Variants in ANK3 observed in about 807,000 individuals in gnomAD.
The protein encoded by ANK3 is ankyrin-3.
ANK3 carries 57 observed loss-of-function variants against 370.9 expected under a neutral mutation model. The ratio of observed to expected loss-of-function variants is 0.15; its 90% CI spans 0.12 to 0.19. The LOEUF (loss-of-function observed/expected upper bound fraction) is 0.19. ANK3 is among the 10% of genes least tolerant of loss of function. The pLI is 1.00. For synonymous variants in ANK3, 1,929 were observed against 1,946.3 expected, an observed-to-expected ratio of 0.99 and a Z score of 0.23; for missense variants, 4,439 against 5,302.1, an observed-to-expected ratio of 0.84 and a Z score of 5.06.
At chr10:60,597,355 T>C (rs1011491380) in intron 2 of ANK3, among the ~76,000 whole-genome samples, 3 of 152,226 alleles carry the variant, frequency 2.0e-5, no homozygotes, top group Non-Finnish European at 4.4e-5. Flanking sequence ...ATGTAGCTTA[T>C]GGGATTCTGT....
Position 60,170,711 on chromosome 10 carries a change from T to A in ANK3, c.2478+1597A>T, listed in dbSNP as rs566629932. Among the ~76,000 whole-genome samples, 102 of 152,308 alleles carry A rather than the reference T, an allele frequency of 6.7e-4. 1 individual carries two copies. Among genetic ancestry groups the A allele is most frequent in the Non-Finnish European group, 8.4e-4 (57 of 68,028 alleles). On this transcript the variant is annotated intron_variant, in intron 21 of 43. Coordinates refer to ENST00000280772, the MANE Select transcript of ANK3 (RefSeq NM_020987.5). ...AGGCACTATTCCTGTACACATTCTG[T>A]CTTCTGATGGGAACCTGATGGAGCT...
intron 2 of ANK3, among the ~76,000 whole-genome samples, chr10:60,603,044 G>A (rs760480828): frequency 2.6e-5 from 4 of 152,036 alleles, no homozygotes; most frequent in Admixed American, 6.6e-5. Flanking sequence ...TGCTCCACTC[G>A]TCTTGAAACA....
intron 2 of ANK3, among the ~76,000 whole-genome samples, chr10:60,591,041 G>A (rs971824482): frequency 2.0e-5 from 3 of 152,154 alleles, no homozygotes; most frequent in Non-Finnish European, 4.4e-5. Flanking sequence ...GGACACAAGT[G>A]TGCCAGAGAG....
At chr10:60,446,548 G>A (rs753395536) in intron 2 of ANK3, among the ~76,000 whole-genome samples, 4 of 152,164 alleles carry the variant, frequency 2.6e-5, no homozygotes, top group Admixed American at 2.6e-4. Context: ...GACATTCAGT[G>A]ACAGAGCTTT....
chr10:60,536,532 C>T (rs527676948), intron 2 of ANK3, among the ~76,000 whole-genome samples: 116 of 152,136 alleles, frequency 7.6e-4, no homozygotes, highest in African/African-American at 2.7e-3. Context: ...CTAAAATAGT[C>T]TACATGATCA....
At chr10:60,230,892 T>TAA (rs34221364) in intron 8 of ANK3, among the ~76,000 whole-genome samples, 4 of 137,860 alleles carry the variant, frequency 2.9e-5, no homozygotes, top group African/African-American at 8.1e-5. Context: ...GACTCCATCT[T>TAA]AAAAAAAAAA....
intron 2 of ANK3, among the ~76,000 whole-genome samples, chr10:60,561,609 G>A (rs1264455904): frequency 6.6e-6 from 1 of 152,214 alleles, no homozygotes; most frequent in Non-Finnish European, 1.5e-5. Context: ...AACATTGGTT[G>A]GATTCTGGGA....
At chr10:60,479,156 CTGAA>C in intron 2 of ANK3, among the ~76,000 whole-genome samples, 1 of 152,158 alleles carries the variant, frequency 6.6e-6, no homozygotes, top group South Asian at 2.1e-4. Flanking sequence ...ATCATAGCAA[CTGAA>C]TGATTTTTTT....
At chr10:60,172,477 G>T in intron 20 of ANK3, 74 bp from the exon 21 acceptor site, 1 of 1,199,306 alleles carries the variant, frequency 8.3e-7, no homozygotes, top group Non-Finnish European at 1.2e-6. Flanking sequence ...CAAAATGTAA[G>T]GTGAGTGTCT....
intron 1 of ANK3, among the ~76,000 whole-genome samples, chr10:60,341,690 CTG>C (rs1483010964): frequency 2.6e-5 from 4 of 152,120 alleles, no homozygotes; most frequent in East Asian, 1.9e-4. Flanking sequence ...GTGTTCTGTT[CTG>C]TGTTTGGCAT....
intron 2 of ANK3, among the ~76,000 whole-genome samples, chr10:60,528,395 C>A (rs954816959): frequency 3.3e-5 from 5 of 151,970 alleles, no homozygotes; most frequent in African/African-American, 9.7e-5. Flanking sequence ...CTTGGCCACC[C>A]AAAATGCTGG....
intron 43 of ANK3, among the ~76,000 whole-genome samples, chr10:60,041,476 C>T (rs373387726): frequency 3.3e-5 from 5 of 152,174 alleles, no homozygotes; most frequent in African/African-American, 1.2e-4. Flanking sequence ...CTTATGTGAG[C>T]GTGGGCAATT....
At chr10:60,062,500 C>T (rs965829577) in intron 40 of ANK3, 3 of 152,080 alleles carry the variant, frequency 2.0e-5, no homozygotes, top group Admixed American at 6.5e-5. Context: ...AATTATGCTG[C>T]CTTTGATATA....
At chr10:60,207,936 A>G in intron 10 of ANK3, 100 bp downstream of exon 10, 1 of 1,024,806 alleles carries the variant, frequency 9.8e-7, no homozygotes, top group East Asian at 2.4e-5. Context: ...TTTAACTAGC[A>G]CCTTCTATTT....
intron 17 of ANK3, among the ~76,000 whole-genome samples, chr10:60,186,347 C>CTCTCT (rs565262395): frequency 0.18 from 24,055 of 133,112 alleles, 2,423 homozygotes; most frequent in Non-Finnish European, 0.21. Context: ...ATCTTTCTGT[C>CTCTCT]TTTTTTTTTT....
intron 8 of ANK3, among the ~76,000 whole-genome samples, chr10:60,226,528 G>GTATA (rs1477425603): frequency 2.5e-5 from 2 of 80,942 alleles, no homozygotes; most frequent in South Asian, 3.5e-4. Flanking sequence ...ATATACTATA[G>GTATA]TATATATACA....
chr10:60,628,482 G>A (rs2078439569), intron 1 of ANK3, among the ~76,000 whole-genome samples: 1 of 152,142 alleles, frequency 6.6e-6, no homozygotes, highest in African/African-American at 2.4e-5. Flanking sequence ...CTGATTCTCT[G>A]AAGTGCTGAA....
chr10:60,233,677 T>A (rs1364345381), intron 8 of ANK3, among the ~76,000 whole-genome samples: 1 of 152,152 alleles, frequency 6.6e-6, no homozygotes, highest in Non-Finnish European at 1.5e-5. Flanking sequence ...ACTCACGTGA[T>A]CCTCCTGCCT....
chr10:60,136,537 A>G (rs1207875723), intron 24 of ANK3, among the ~76,000 whole-genome samples: 1 of 152,190 alleles, frequency 6.6e-6, no homozygotes, highest in African/African-American at 2.4e-5. Flanking sequence ...CAAACACTTA[A>G]AAGTTTTAAA....
Sources: allele counts gnomAD v4.1 joint callset (sites outside exome capture counted in the v4.1 genomes callset), GRCh38; gene constraint gnomAD v4.1.1; transcripts MANE v1.5; gene names NCBI Gene and HGNC (gene_info 2026-07-23, HGNC 2026-07-21).